Variants in HDAC9 observed in about 807,000 individuals in gnomAD.
HDAC9 encodes MEF-2 interacting transcription repressor (MITR) protein.
A neutral mutation model predicts 139.4 loss-of-function variants in HDAC9; 41 were observed. That is an observed-to-expected ratio of 0.29 (90% confidence interval 0.23 to 0.38). HDAC9 has a LOEUF of 0.38. Ranked by LOEUF, HDAC9 falls within the 10% of genes least tolerant of loss-of-function variation. The pLI, the probability that HDAC9 is intolerant of heterozygous loss-of-function variation, is 1.00. For missense variants in HDAC9, 1,147 were observed against 1,297.0 expected (o/e 0.88, Z 1.78); for synonymous variants, 517 against 476.2 (o/e 1.09, Z -1.12).
chr7:18,400,920 T>G (rs1210586962), intron 1 of HDAC9, among the ~76,000 whole-genome samples: 1 of 152,174 alleles, frequency 6.6e-6, no homozygotes, highest in African/African-American at 2.4e-5. Context: ...AGTGTTTAGA[T>G]TGAGCTATCA....
Position 18,882,220 on chromosome 7 carries a change from T to G in HDAC9, c.2803+7624T>G, listed in dbSNP as rs111455224. 4.8e-4 allele frequency among the ~76,000 whole-genome samples: 73 copies of G among 152,276 alleles called. 1 individual carries two copies. Among genetic ancestry groups the G allele is most frequent in the African/African-American group, 1.7e-3 (70 of 41,576 alleles). Reference sequence around the variant, plus strand: ...TTTTTTTTCTTTTTTGCCATTGCTATCTTCCCCATCACTGCCATTTCTTAG... The same window carrying G: ...TTTTTTTTCTTTTTTGCCATTGCTAGCTTCCCCATCACTGCCATTTCTTAG... On this transcript the variant is annotated intron_variant, in intron 22 of 25. Coordinates refer to ENST00000686413, the MANE Select transcript of HDAC9 (RefSeq NM_178425.4).
intron 1 of HDAC9, among the ~76,000 whole-genome samples, chr7:18,406,739 A>G (rs1438685660): frequency 6.6e-6 from 1 of 152,076 alleles, no homozygotes; most frequent in Non-Finnish European, 1.5e-5. Flanking sequence ...TGGATGCCTA[A>G]TTTTGGTCTA....
intron 24 of HDAC9, among the ~76,000 whole-genome samples, chr7:18,968,021 G>C (rs563025848): frequency 1.3e-4 from 20 of 152,112 alleles, no homozygotes; most frequent in African/African-American, 4.6e-4. Context: ...AATTAGCCAG[G>C]CGTGGTGGCA....
intron 21 of HDAC9, among the ~76,000 whole-genome samples, chr7:18,871,839 TCA>T: frequency 6.6e-6 from 1 of 152,176 alleles, no homozygotes; most frequent in Non-Finnish European, 1.5e-5. Flanking sequence ...CTGTGGAGTC[TCA>T]GTTTCATTCA....
At chr7:18,556,680 A>G (rs1818926655) in intron 2 of HDAC9, among the ~76,000 whole-genome samples, 1 of 152,050 alleles carries the variant, frequency 6.6e-6, no homozygotes, top group African/African-American at 2.4e-5. Context: ...ATATTTTAAA[A>G]ATTACTGTCA....
In HDAC9 at chr7:18,971,656, G is replaced by A. The variant is rs183928972; in HGVS notation, c.3023-4150G>A. Among the ~76,000 whole-genome samples, 39 of 152,244 alleles carry A rather than the reference G, an allele frequency of 2.6e-4. No homozygotes were observed. The South Asian group carries it at 4.1e-3, about 16-fold the overall frequency. Reference sequence around the variant, plus strand: ...TTCTCCTCTATGAATAGAGATAGTCGTCTATAAATGCATTATTAATGTAGA... The same window carrying A: ...TTCTCCTCTATGAATAGAGATAGTCATCTATAAATGCATTATTAATGTAGA... On this transcript the variant is annotated intron_variant, in intron 24 of 25. Coordinates refer to ENST00000686413, the MANE Select transcript of HDAC9 (RefSeq NM_178425.4).
chr7:18,730,119 A>G (rs1429506139), intron 13 of HDAC9, among the ~76,000 whole-genome samples: 1 of 152,202 alleles, frequency 6.6e-6, no homozygotes, highest in Non-Finnish European at 1.5e-5. Flanking sequence ...AACATATGCA[A>G]TTTATAATAA....
intron 22 of HDAC9, among the ~76,000 whole-genome samples, chr7:18,900,997 C>T (rs1801651313): frequency 6.6e-6 from 1 of 151,922 alleles, no homozygotes; most frequent in South Asian, 2.1e-4. Flanking sequence ...AAGTTTGGGA[C>T]TATGTTAGGA....
intron 1 of HDAC9, among the ~76,000 whole-genome samples, chr7:18,102,770 G>A (rs1158021134): frequency 6.6e-6 from 1 of 152,154 alleles, no homozygotes; most frequent in Non-Finnish European, 1.5e-5. Flanking sequence ...TCTGACCACA[G>A]GATATAAACA....
At chr7:18,767,181 T>G (rs1789901985) in intron 16 of HDAC9, 26 bp downstream of exon 16, 1 of 1,365,944 alleles carries the variant, frequency 7.3e-7, no homozygotes, top group Non-Finnish European at 1.0e-6. Flanking sequence ...TTTACTGCCT[T>G]TAAATAACAT....
chr7:18,402,054 G>A lies in HDAC9; in HGVS notation c.-41-94208G>A, dbSNP rs79783923. ...TTTCTCAATAATCTATTTTGTAAAT[G>A]CCTTCAGTACCTTTTTGAGAAAGGA... On this transcript the variant is annotated intron_variant, in intron 1 of 3. Coordinates refer to the HDAC9 transcript ENST00000413509. Among the ~76,000 whole-genome samples, 63 of 152,068 alleles carry A rather than the reference G, an allele frequency of 4.1e-4. 1 individual carries two copies. The East Asian group carries it at 0.012, about 29-fold the overall frequency.
chr7:18,830,438 A>G (rs1795777565), intron 19 of HDAC9, among the ~76,000 whole-genome samples: 1 of 152,210 alleles, frequency 6.6e-6, no homozygotes, highest in Admixed American at 6.5e-5. Flanking sequence ...TAAAGGCAAA[A>G]TATGCTAAAG....
intron 2 of HDAC9, among the ~76,000 whole-genome samples, chr7:18,524,898 A>G (rs1312630822): frequency 1.3e-5 from 2 of 151,542 alleles, no homozygotes; most frequent in East Asian, 3.9e-4. Flanking sequence ...ACACACACAC[A>G]CACATTACAG....
At position 18,752,365 on chromosome 7, in the gene HDAC9, C is replaced by G. The variant is rs551389437; in HGVS notation, c.2043+3227C>G. ...GACAGTATCTGCCCACTGAAGTTCA[C>G]TTATTCACTCGACAGAGGAAGTTGG... is the stretch of plus-strand genomic sequence containing the variant. On this transcript the variant is annotated intron_variant, in intron 14 of 25. Coordinates refer to ENST00000686413, the MANE Select transcript of HDAC9 (RefSeq NM_178425.4). Among the ~76,000 whole-genome samples the G allele has an allele frequency of 2.0e-5, 3 of 152,200 alleles. No individual in the cohort carries two copies. The South Asian group carries it at 6.2e-4, about 32-fold the overall frequency.
At chr7:18,550,154 GT>G (rs1445089949) in intron 2 of HDAC9, among the ~76,000 whole-genome samples, 1 of 151,830 alleles carries the variant, frequency 6.6e-6, no homozygotes, top group South Asian at 2.1e-4. Flanking sequence ...CAATCTTTTT[GT>G]TTTTTAACAG....
chr7:18,622,470 G>A (rs148358708), intron 6 of HDAC9, among the ~76,000 whole-genome samples: 6,202 of 151,984 alleles, frequency 0.041, 273 homozygotes, highest in Admixed American at 0.13. Context: ...TTACAGGGAC[G>A]TGCCACCACA....
chr7:18,541,067 G>C (rs1042106081), intron 2 of HDAC9, among the ~76,000 whole-genome samples: 14 of 149,226 alleles, frequency 9.4e-5, no homozygotes, highest in African/African-American at 3.0e-4. Flanking sequence ...TAAATACATG[G>C]CATCTATAGT....
intron 13 of HDAC9, among the ~76,000 whole-genome samples, chr7:18,748,602 T>A (rs1788180538): frequency 6.6e-6 from 1 of 152,218 alleles, no homozygotes; most frequent in African/African-American, 2.4e-5. Flanking sequence ...AGAGACAGCT[T>A]GTTTAGTGGC....
chr7:18,863,553 G>A lies in HDAC9; in HGVS notation c.2685-10925G>A, dbSNP rs143696832. Among the ~76,000 whole-genome samples the A allele has an allele frequency of 4.2e-3, 635 of 152,276 alleles. 6 individuals are homozygous for A. Among genetic ancestry groups the A allele is most frequent in the African/African-American group, 0.014 (583 of 41,554 alleles). ...TGGCCCAGGGAAGCCAAAAGATTGG[G>A]CACCCCTGTTTGGACACTCTTTTAG... On this transcript the variant is annotated intron_variant, in intron 21 of 25. Transcript: ENST00000686413.
Sources: gnomAD v4.1 joint callset for allele counts (sites outside exome capture counted in the v4.1 genomes callset) on GRCh38, gnomAD v4.1.1 for gene constraint, MANE v1.5 for transcripts, NCBI Gene and HGNC (gene_info 2026-07-23, HGNC 2026-07-21) for gene names.